Variants in KALRN observed in about 807,000 individuals in gnomAD.
KALRN encodes kalirin.
A neutral mutation model predicts 353.7 loss-of-function variants in KALRN; 70 were observed. The ratio of observed to expected loss-of-function variants is 0.20; its 90% CI spans 0.16 to 0.24. The LOEUF (loss-of-function observed/expected upper bound fraction) is 0.24. Among genes scored for constraint, KALRN ranks in the 10% least tolerant of loss-of-function variants. The pLI, the probability that KALRN is intolerant of heterozygous loss-of-function variation, is 1.00. For synonymous variants in KALRN, 1,391 were observed against 1,434.8 expected, an observed-to-expected ratio of 0.97 and a Z score of 0.69; for missense variants, 2,791 against 3,756.7, an observed-to-expected ratio of 0.74 and a Z score of 6.72.
intron 37 of KALRN, among the ~76,000 whole-genome samples, chr3:124,650,554 C>T (rs573688556): frequency 5.3e-5 from 8 of 152,288 alleles, no homozygotes; most frequent in African/African-American, 1.9e-4. Context: ...GTCACTTTGA[C>T]AATTTCATTA....
At chr3:124,121,554 A>G (rs2064031729) in intron 1 of KALRN, among the ~76,000 whole-genome samples, 1 of 152,226 alleles carries the variant, frequency 6.6e-6, no homozygotes, top group South Asian at 2.1e-4. Context: ...CAAGTCACCC[A>G]TGAGCACTCA....
At chr3:124,360,919 C>T (rs1162042133) in intron 10 of KALRN, among the ~76,000 whole-genome samples, 9 of 152,194 alleles carry the variant, frequency 5.9e-5, no homozygotes, top group Non-Finnish European at 7.4e-5. Flanking sequence ...ACTATTTTGC[C>T]TTCACGAAAA....
At chr3:124,566,248 C>A (rs1309110947) in intron 34 of KALRN, among the ~76,000 whole-genome samples, 2 of 152,174 alleles carry the variant, frequency 1.3e-5, no homozygotes, top group Non-Finnish European at 2.9e-5. Context: ...CTCCTGTAAT[C>A]CCAGCACTTT....
intron 21 of KALRN, among the ~76,000 whole-genome samples, chr3:124,453,772 T>C (rs1444429061): frequency 6.6e-6 from 1 of 152,206 alleles, no homozygotes; most frequent in African/African-American, 2.4e-5. Context: ...GTTGGGTGTC[T>C]CTCTCATTCC....
At chr3:124,188,476 G>A (rs759506632) in intron 1 of KALRN, among the ~76,000 whole-genome samples, 7 of 152,182 alleles carry the variant, frequency 4.6e-5, no homozygotes, top group Non-Finnish European at 1.0e-4. Flanking sequence ...AGCATGGCTG[G>A]TTCTGACAGA....
intron 33 of KALRN, among the ~76,000 whole-genome samples, chr3:124,499,539 A>G (rs2064275131): frequency 6.6e-6 from 1 of 152,208 alleles, no homozygotes; most frequent in African/African-American, 2.4e-5. Flanking sequence ...AAAATGCTTG[A>G]GCTAGTTCTG....
At position 124,721,098 on chromosome 3, in the gene KALRN, T is replaced by C. The variant is rs1279064090; in HGVS notation, c.*1628T>C. 2.6e-5 allele frequency: 4 copies of C among 152,098 alleles called. No homozygotes were observed. The highest frequency in any genetic ancestry group is 4.4e-5 in the Non-Finnish European group (3 of 67,998). The allele number at this position is 152,098 out of a possible 1,614,324, so 9.4% of individuals were successfully genotyped here. A position where few individuals can be genotyped will look rare whatever the true frequency, so the allele number is the denominator to read the frequency against. On this transcript the variant is annotated 3_prime_UTR_variant, in exon 60 of 60. Coordinates refer to ENST00000682506, the MANE Select transcript of KALRN (RefSeq NM_001388419.1). Reference sequence around the variant, plus strand: ...CAAACCTATCTAAATGAAAAAGAAATGGTGGAAACTAAGCCTGAACTTTAA... The same window carrying C: ...CAAACCTATCTAAATGAAAAAGAAACGGTGGAAACTAAGCCTGAACTTTAA...
At chr3:124,044,897 C>CT (rs5852378) in intron 1 of KALRN, among the ~76,000 whole-genome samples, 12,353 of 27,298 alleles carry the variant, frequency 0.45, 1,484 homozygotes, top group Non-Finnish European at 0.52. Flanking sequence ...TTCCTTCCTT[C>CT]CTTCCTTCCT....
At chr3:124,228,833 G>A (rs763035321) in intron 2 of KALRN, among the ~76,000 whole-genome samples, 1 of 151,554 alleles carries the variant, frequency 6.6e-6, no homozygotes, top group Non-Finnish European at 1.5e-5. Flanking sequence ...TGCTTCCAGA[G>A]TTTCTAAGAG....
Position 124,268,867 on chromosome 3 carries a change from A to T in KALRN, c.581A>T (p.Glu194Val). 6.2e-7 allele frequency: 1 copy of T among 1,613,996 alleles called. No individual in the cohort carries two copies. The highest frequency in any genetic ancestry group is 8.5e-7 in the Non-Finnish European group (1 of 1,180,024). ...EWIELRLSLE[E>V]FFNSAVHLLS... ...ATCGAACTGCGGCTCTCCCTGGAGGAGTTCTTCAACAGCGCCGTGCACCTG... is the reference window on the plus strand; with the variant it reads ...ATCGAACTGCGGCTCTCCCTGGAGGTGTTCTTCAACAGCGCCGTGCACCTG... Residue 194 changes from glutamate (E) to valine (V), a missense_variant, in exon 5 of 60, where the codon GAG becomes GTG. Physicochemically the swap from Glu to Val is moderately radical, Grantham distance 121. Transcript: ENST00000682506.
intron 1 of KALRN, among the ~76,000 whole-genome samples, chr3:124,185,374 T>C (rs2074094611): frequency 1.3e-5 from 2 of 152,232 alleles, no homozygotes; most frequent in South Asian, 4.1e-4. Context: ...AAGCTTGTTC[T>C]TGGGCCCCAT....
intron 1 of KALRN, among the ~76,000 whole-genome samples, chr3:124,073,340 A>G (rs1290602307): frequency 2.0e-5 from 3 of 152,230 alleles, no homozygotes; most frequent in Non-Finnish European, 4.4e-5. Flanking sequence ...TTAAAATTGC[A>G]GGCATACTGC....
chr3:124,045,562 T>A (rs2040397803), intron 1 of KALRN, among the ~76,000 whole-genome samples: 1 of 152,170 alleles, frequency 6.6e-6, no homozygotes, highest in Admixed American at 6.5e-5. Flanking sequence ...TTCCTTTTGA[T>A]GGGAATTGGA....
At chr3:124,286,107 CTTTCTT>C (rs918447187) in intron 5 of KALRN, among the ~76,000 whole-genome samples, 3 of 145,886 alleles carry the variant, frequency 2.1e-5, no homozygotes, top group African/African-American at 7.7e-5. Flanking sequence ...TTCTTTCTTT[CTTTCTT>C]TCTTTCTTTC....
chr3:124,649,383 T>C (rs776517475), intron 37 of KALRN, among the ~76,000 whole-genome samples: 2 of 152,214 alleles, frequency 1.3e-5, no homozygotes, highest in Non-Finnish European at 2.9e-5. Flanking sequence ...TTTTTTTAAA[T>C]CTTTGTGACT....
intron 1 of KALRN, among the ~76,000 whole-genome samples, chr3:124,168,881 G>A (rs913319496): frequency 4.6e-5 from 7 of 152,164 alleles, no homozygotes; most frequent in East Asian, 1.9e-4. Flanking sequence ...CAAGCACATG[G>A]CACTATTCTG....
At chr3:124,074,375 T>C (rs1444931375) in intron 1 of KALRN, among the ~76,000 whole-genome samples, 2 of 152,246 alleles carry the variant, frequency 1.3e-5, no homozygotes, top group African/African-American at 4.8e-5. Context: ...ATGGCAGGCC[T>C]GACTGGTCAG....
At chr3:124,355,709 C>CTTTTTTTTTTTTTT (rs3055894) in intron 10 of KALRN, among the ~76,000 whole-genome samples, 8 of 97,410 alleles carry the variant, frequency 8.2e-5, no homozygotes, top group African/African-American at 2.4e-4. Flanking sequence ...TCTCTCCCAT[C>CTTTTTTTTTTTTTT]TTTTTTTTTT....
chr3:124,725,888 T>C lies in KALRN; in HGVS notation c.*6418T>C, dbSNP rs2063412800. The C allele has an allele frequency of 6.6e-6, 1 of 152,226 alleles. No homozygotes were observed. The highest frequency in any genetic ancestry group is 2.1e-4 in the South Asian group (1 of 4,834). The allele number at this position is 152,226 out of a possible 1,614,324, so 9.4% of individuals were successfully genotyped here. On this transcript the variant is annotated 3_prime_UTR_variant, in exon 60 of 60. Coordinates refer to ENST00000682506, the MANE Select transcript of KALRN (RefSeq NM_001388419.1). Reference sequence around the variant, plus strand: ...TCAGACAAAGGGCCTTATTCATAAGTGGACAGGTTTCCCCATAGGGACCAT... The same window carrying C: ...TCAGACAAAGGGCCTTATTCATAAGCGGACAGGTTTCCCCATAGGGACCAT...
Sources: gnomAD v4.1 joint callset for allele counts (sites outside exome capture counted in the v4.1 genomes callset) on GRCh38, gnomAD v4.1.1 for gene constraint, MANE v1.5 for transcripts, NCBI Gene and HGNC (gene_info 2026-07-23, HGNC 2026-07-21) for gene names.